Variants in PDCD4 observed in about 807,000 individuals in gnomAD.
The protein encoded by PDCD4 is programmed cell death protein 4.
Under a neutral mutation model 54.0 loss-of-function variants are expected in PDCD4, and 56 were observed. The observed-to-expected ratio is 1.04, with a 90% CI of 0.84 to 1.30. The LOEUF (loss-of-function observed/expected upper bound fraction) is 1.30. Among genes scored for constraint, PDCD4 ranks in the 50% most tolerant of loss-of-function variants. The probability of loss-of-function intolerance (pLI) is 0.00; values close to 1 mark genes in which losing one functional copy is unlikely to be tolerated. For synonymous variants in PDCD4, 186 were observed against 194.8 expected (o/e 0.95, Z 0.37); for missense variants, 584 against 559.8 (o/e 1.04, Z -0.44).
chr10:110,893,123 C>G (rs2134004633), intron 8 of PDCD4, among the ~76,000 whole-genome samples: 1 of 152,090 alleles, frequency 6.6e-6, no homozygotes, highest in East Asian at 1.9e-4. Flanking sequence ...ACAGAGTCAT[C>G]TAACACACTT....
In PDCD4 at chr10:110,875,967, T is replaced by C; in HGVS notation, c.-61T>C. 7.6e-7 allele frequency: 1 copy of C among 1,318,276 alleles called. No individual in the cohort carries two copies. Among genetic ancestry groups the C allele is most frequent in the Non-Finnish European group, 1.1e-6 (1 of 945,210 alleles). The allele number at this position is 1,318,276 out of a possible 1,614,324, so 81.7% of individuals were successfully genotyped here. A position where few individuals can be genotyped will look rare whatever the true frequency, so the allele number is the denominator to read the frequency against. ...TCTTTTTTTCTTTTAAAAAAACAGATTCTGAAGGAAGATTTCCATTAGGTA... is the reference window on the plus strand; with the variant it reads ...TCTTTTTTTCTTTTAAAAAAACAGACTCTGAAGGAAGATTTCCATTAGGTA... On this transcript the variant is annotated splice_region_variant and 5_prime_UTR_variant, in exon 2 of 12. Transcript: ENST00000280154.
chr10:110,875,581 C>T (rs572536208), intron 1 of PDCD4, among the ~76,000 whole-genome samples: 1 of 152,054 alleles, frequency 6.6e-6, no homozygotes, highest in Non-Finnish European at 1.5e-5. Flanking sequence ...AGGGAACTAT[C>T]CAGTATTTAT....
At position 110,883,090 on chromosome 10, in the gene PDCD4, A is replaced by G. The variant is rs112160079; in HGVS notation, c.434A>G (p.Asp145Gly). 1 of 1,570,910 alleles carries G rather than the reference A, an allele frequency of 6.4e-7. No homozygotes were observed. The highest frequency in any genetic ancestry group is 8.7e-7 in the Non-Finnish European group (1 of 1,155,364). Residue 145 changes from aspartate to glycine, a missense_variant, in exon 4 of 12, where the codon GAT becomes GGT. Physicochemically the swap from Asp to Gly is moderately conservative, Grantham distance 94 (BLOSUM62 -1). Transcript: ENST00000280154. Reference protein sequence around the residue: ...EVDVKDPNYDDDQENCVYETV... With the variant: ...EVDVKDPNYDGDQENCVYETV... ...GATGTGAAAGATCCTAACTATGATG[A>G]TGACCAGGTATCAGTGCTTTGCTTT...
Position 110,890,620 on chromosome 10 carries a change from G to A in PDCD4, c.940G>A (p.Val314Met), listed in dbSNP as rs1391890758. 1.2e-6 allele frequency: 2 copies of A among 1,613,402 alleles called. No individual in the cohort carries two copies. Among genetic ancestry groups the A allele is most frequent in the African/African-American group, 1.3e-5 (1 of 74,898 alleles). The part of the protein sequence containing the change: ...MSKGGKRKDS[V>M]WGSGGGQQSV... ...TAAAGGTGGAAAGCGTAAAGATAGT[G>A]TGTGGGGCTCTGGAGGTGGGCAGCA... The change falls in exon 8 of 12, where the codon GTG (valine) becomes ATG (methionine). Residue 314 changes from valine to methionine, a missense_variant. By Grantham distance (21) the Val-to-Met change is conservative (BLOSUM62 1). Transcript: ENST00000280154.
intron 5 of PDCD4, among the ~76,000 whole-genome samples, chr10:110,887,119 C>G (rs551926452): frequency 5.4e-4 from 82 of 152,258 alleles, no homozygotes; most frequent in Non-Finnish European, 1.0e-3. Context: ...AATGACGTTT[C>G]CATGACAGAC....
intron 1 of PDCD4, among the ~76,000 whole-genome samples, chr10:110,873,378 C>T (rs573003152): frequency 6.6e-6 from 1 of 152,232 alleles, no homozygotes; most frequent in Admixed American, 6.5e-5. Flanking sequence ...AATAAATGGC[C>T]AAAGCTTGAC....
At position 110,898,211 on chromosome 10, in the gene PDCD4, CATTTT is replaced by C. The variant is rs1845878870; in HGVS notation, c.*126_*130del. 3 of 444,068 alleles carry C rather than the reference CATTTT, an allele frequency of 6.8e-6. No individual in the cohort carries two copies. The highest frequency in any genetic ancestry group is 7.2e-5 in the East Asian group (2 of 27,654). 27.5% of individuals were successfully genotyped at this position (444,068 alleles called of 1,614,324 possible). A position where few individuals can be genotyped will look rare whatever the true frequency, so the allele number is the denominator to read the frequency against. On this transcript the variant is annotated 3_prime_UTR_variant, in exon 12 of 12. Transcript: ENST00000280154. ...TGTTTTGGGTACAAGGCATTTCTGA[CATTTT>C]ATAAACCTACATTTAAGGGGAATTT...
In PDCD4 at chr10:110,889,629, A is replaced by G. The variant is rs1421951482; in HGVS notation, c.874A>G (p.Arg292Gly). 1.3e-6 allele frequency: 2 copies of G among 1,527,410 alleles called. No individual in the cohort carries two copies. Among genetic ancestry groups the G allele is most frequent in the Middle Eastern group, 1.7e-4 (1 of 5,874 alleles). The allele number at this position is 1,527,410 out of a possible 1,614,324, so 94.6% of individuals were successfully genotyped here. ...YKGTVDCVQARAALDKATVLL... is the reference protein window; with the variant it reads ...YKGTVDCVQAGAALDKATVLL... ...AGGAACTGTAGATTGTGTGCAGGCT[A>G]GGTAAGTAAATCACTTTTCCTACTT... The change falls in exon 7 of 12, where the codon AGA becomes GGA. Residue 292 changes from arginine to glycine, a missense_variant and splice_region_variant. Coordinates refer to ENST00000280154, the MANE Select transcript of PDCD4 (RefSeq NM_014456.5).
At position 110,880,121 on chromosome 10, in the gene PDCD4, C is replaced by T. The variant is rs920534781; in HGVS notation, c.44-1112C>T. Among the ~76,000 whole-genome samples, 10 of 152,302 alleles carry T rather than the reference C, an allele frequency of 6.6e-5. No homozygotes were observed. In the East Asian group the frequency reaches 1.9e-3, roughly 29 times the overall value. ...GCTTTCAGGGCAAAGCCAAGTGCCT[C>T]CACTTGATCTCCATGGAATTTGAGT... is the stretch of plus-strand genomic sequence containing the variant. On this transcript the variant is annotated intron_variant, in intron 2 of 11. Coordinates refer to ENST00000280154, the MANE Select transcript of PDCD4 (RefSeq NM_014456.5).
chr10:110,872,878 T>C (rs1845442504), intron 1 of PDCD4, among the ~76,000 whole-genome samples: 1 of 152,232 alleles, frequency 6.6e-6, no homozygotes, highest in Non-Finnish European at 1.5e-5. Context: ...CAAAACTGTC[T>C]GCAGACGTCA....
chr10:110,896,534 G>C (rs1259267103), intron 11 of PDCD4, among the ~76,000 whole-genome samples: 1 of 152,070 alleles, frequency 6.6e-6, no homozygotes, highest in Non-Finnish European at 1.5e-5. Context: ...GGAGAATTAG[G>C]GCTAATTGGA....
chr10:110,892,743 A>G (rs1353699395), intron 8 of PDCD4, among the ~76,000 whole-genome samples: 2 of 152,120 alleles, frequency 1.3e-5, no homozygotes, highest in Admixed American at 1.3e-4. Flanking sequence ...CATAAATTTA[A>G]TGTAGCCTAA....
At chr10:110,881,992 G>T (rs995416748) in intron 3 of PDCD4, among the ~76,000 whole-genome samples, 1 of 151,948 alleles carries the variant, frequency 6.6e-6, no homozygotes, top group African/African-American at 2.4e-5. Context: ...TTTATTTTGG[G>T]TTCTGTAGTA....
chr10:110,883,222 A>G, intron 4 of PDCD4, 125 bp downstream of exon 4: 1 of 628,400 alleles, frequency 1.6e-6, no homozygotes, highest in Non-Finnish European at 2.7e-6. Flanking sequence ...GAAACCAAGT[A>G]AACTGACAGT....
Position 110,885,320 on chromosome 10 carries a change from C to A in PDCD4, c.509C>A (p.Pro170Gln). The A allele has an allele frequency of 6.3e-7, 1 of 1,596,330 alleles. No homozygotes were observed. The highest frequency in any genetic ancestry group is 8.6e-7 in the Non-Finnish European group (1 of 1,166,354). Residue 170 changes from proline to glutamine, a missense_variant, in exon 5 of 12, where the codon CCA (proline) becomes CAA (glutamine). By Grantham distance (76) the Pro-to-Gln change is moderately conservative. Coordinates refer to ENST00000280154, the MANE Select transcript of PDCD4 (RefSeq NM_014456.5). Reference protein sequence around the residue: ...DERAFEKTLTPIIQEYFEHGD... With the variant: ...DERAFEKTLTQIIQEYFEHGD... ...AGGGCATTTGAGAAGACTTTAACAC[C>A]AATCATACAGGAATATTTTGAGCAT...
At position 110,894,089 on chromosome 10, in the gene PDCD4, AGATT is replaced by A; in HGVS notation, c.993_996del (p.Asp332CysfsTer3). On this transcript the variant is annotated splice_acceptor_variant and coding_sequence_variant, in exon 9 of 12. Transcript: ENST00000280154. LOFTEE classifies it high-confidence loss of function. The stretch of plus-strand genomic sequence containing the variant: ...ACACATCTCAACTTTTAAATCTAAT[AGATT>A]GATATGCTGCTGAAAGAATATTTAC... 1 of 1,558,950 alleles carries A rather than the reference AGATT, an allele frequency of 6.4e-7. No homozygotes were observed. Among genetic ancestry groups the A allele is most frequent in the Non-Finnish European group, 8.8e-7 (1 of 1,131,646 alleles).
At chr10:110,873,828 A>T (rs756125375) in intron 1 of PDCD4, among the ~76,000 whole-genome samples, 2 of 151,994 alleles carry the variant, frequency 1.3e-5, no homozygotes, top group Non-Finnish European at 2.9e-5. Flanking sequence ...ACACAGGACT[A>T]TTTTTTTTAT....
intron 5 of PDCD4, among the ~76,000 whole-genome samples, chr10:110,886,097 TC>T (rs1204257654): frequency 6.6e-6 from 1 of 152,188 alleles, no homozygotes; most frequent in Non-Finnish European, 1.5e-5. Flanking sequence ...GTGCATACCA[TC>T]TGGAGGAATT....
intron 3 of PDCD4, among the ~76,000 whole-genome samples, 176 bp from the exon 4 acceptor site, chr10:110,882,827 G>A (rs2135200157): frequency 6.6e-6 from 1 of 151,824 alleles, no homozygotes; most frequent in African/African-American, 2.4e-5. Flanking sequence ...AATGTTTTTG[G>A]AAATATTGAA....
Sources: allele counts gnomAD v4.1 joint callset (sites outside exome capture counted in the v4.1 genomes callset), GRCh38; gene constraint gnomAD v4.1.1; transcripts MANE v1.5; gene names NCBI Gene and HGNC (gene_info 2026-07-23, HGNC 2026-07-21).